CHL1: variants seen among roughly 807,000 people sequenced by gnomAD.
CHL1 encodes the protein neural cell adhesion molecule L1-like protein.
CHL1 carries 96 observed loss-of-function variants against 141.9 expected under a neutral mutation model. The ratio of observed to expected loss-of-function variants is 0.68; its 90% CI spans 0.57 to 0.80. The LOEUF is 0.80. Among genes scored for constraint, CHL1 ranks in the 30% least tolerant of loss-of-function variants. The pLI is 0.00. For synonymous variants in CHL1, 613 were observed against 502.2 expected (o/e 1.22, Z -2.95); for missense variants, 1,820 against 1,457.2 (o/e 1.25, Z -4.05).
chr3:313,681 T>C (rs1699930161), intron 2 of CHL1, among the ~76,000 whole-genome samples: 1 of 152,202 alleles, frequency 6.6e-6, no homozygotes. Flanking sequence ...GGTGGAATGA[T>C]CTATAATTGT....
At chr3:359,486 G>T (rs1704017324) in intron 11 of CHL1, among the ~76,000 whole-genome samples, 1 of 151,852 alleles carries the variant, frequency 6.6e-6, no homozygotes, top group Non-Finnish European at 1.5e-5. Flanking sequence ...TATTTTTAGT[G>T]GAGACAGGGT....
chr3:354,557 G>T, intron 10 of CHL1, 83 bp from the exon 11 acceptor site: 1 of 1,471,566 alleles, frequency 6.8e-7, no homozygotes, highest in Admixed American at 2.2e-5. Context: ...CTCTGCTGGT[G>T]CAAAGTAGAA....
intron 19 of CHL1, 129 bp from the exon 20 acceptor site, chr3:389,123 G>T: frequency 1.3e-6 from 1 of 742,254 alleles, no homozygotes; most frequent in Non-Finnish European, 2.2e-6. Flanking sequence ...ACCAAGAAGG[G>T]GGATTTAAGA....
rs539497356 is a variant in CHL1 at position 236,959 on chromosome 3, G to T, written c.-174-7654G>T. On this transcript the variant is annotated intron_variant, in intron 1 of 27. Transcript: ENST00000256509. ...CGTGGATAAGGATTCTGAGGCCCCA[G>T]TTAGTTAGGAAACACGTCATTAATA... 6.3e-4 allele frequency among the ~76,000 whole-genome samples: 96 copies of T among 152,042 alleles called. 4 individuals are homozygous for T. In the South Asian group the frequency reaches 0.017, roughly 27 times the overall value.
intron 1 of CHL1, among the ~76,000 whole-genome samples, chr3:224,427 T>C (rs1437137965): frequency 2.6e-5 from 4 of 151,766 alleles, no homozygotes; most frequent in Non-Finnish European, 5.9e-5. Flanking sequence ...GTAGGAGAGG[T>C]GTTTGGGTCA....
At position 391,774 on chromosome 3, in the gene CHL1, G is replaced by T; in HGVS notation, c.2891G>T (p.Gly964Val). ...AAGAAATTAAATGGAAACTTAACTG[G>T]CTATCTTTTGCAATATCAGATAAGT... is the stretch of plus-strand genomic sequence containing the variant. ...LPKKLNGNLTGYLLQYQIIND... is the reference protein window; with the variant it reads ...LPKKLNGNLTVYLLQYQIIND... Residue 964 changes from glycine to valine, a missense_variant, in exon 23 of 28, where the codon GGC (glycine) becomes GTC (valine). Gly to Val is a moderately radical substitution (Grantham distance 109). Coordinates refer to ENST00000256509, the MANE Select transcript of CHL1 (RefSeq NM_006614.4). 1.3e-6 allele frequency: 2 copies of T among 1,590,094 alleles called. No individual in the cohort carries two copies. Among genetic ancestry groups the T allele is most frequent in the Non-Finnish European group, 1.7e-6 (2 of 1,168,314 alleles).
At chr3:203,810 A>G (rs769056317) in intron 1 of CHL1, among the ~76,000 whole-genome samples, 1 of 152,186 alleles carries the variant, frequency 6.6e-6, no homozygotes, top group Non-Finnish European at 1.5e-5. Context: ...AGCCTATTGT[A>G]GTGGTTTGTG....
Position 405,563 on chromosome 3 carries a change from G to T in CHL1, c.3527G>T (p.Ser1176Ile). 1 of 1,613,522 alleles carries T rather than the reference G, an allele frequency of 6.2e-7. No individual in the cohort carries two copies. Among genetic ancestry groups the T allele is most frequent in the Non-Finnish European group, 8.5e-7 (1 of 1,179,562 alleles). Residue 1176 changes from serine to isoleucine, a missense_variant, in exon 28 of 28, where the codon AGT becomes ATT. Physicochemically the swap from Ser to Ile is moderately radical, Grantham distance 142. Coordinates refer to ENST00000256509, the MANE Select transcript of CHL1 (RefSeq NM_006614.4). ...AATAGGGATATGCAGCCTACTGAAA[G>T]TGCTGACAGCTTAGTCGAATACGGA... ...SLNRDMQPTE[S>I]ADSLVEYGEG...
In CHL1 at chr3:331,621, C is replaced by T. The variant is rs144046181; in HGVS notation, c.385+3267C>T. Among the ~76,000 whole-genome samples, 173 of 152,124 alleles carry T rather than the reference C, an allele frequency of 1.1e-3. 1 individual carries two copies. Among genetic ancestry groups the T allele is most frequent in the African/African-American group, 3.9e-3 (160 of 41,490 alleles). ...CATTCTCCTACATTTGATTTTAGAT[C>T]CTTTTTTTATTGAAAGACTCTAGGA... On this transcript the variant is annotated intron_variant, in intron 5 of 27. Transcript: ENST00000256509.
intron 1 of CHL1, among the ~76,000 whole-genome samples, chr3:238,001 T>A (rs1028212982): frequency 2.6e-5 from 4 of 152,192 alleles, no homozygotes; most frequent in African/African-American, 4.8e-5. Context: ...ATTAACAAAG[T>A]ATCGTATTTT....
chr3:290,160 A>G (rs760823118), intron 2 of CHL1, among the ~76,000 whole-genome samples: 2 of 152,142 alleles, frequency 1.3e-5, no homozygotes, highest in Non-Finnish European at 2.9e-5. Context: ...AAACAGCAGA[A>G]TCATAAACAA....
chr3:284,644 C>G (rs1696966324), intron 2 of CHL1, among the ~76,000 whole-genome samples: 1 of 152,160 alleles, frequency 6.6e-6, no homozygotes, highest in Non-Finnish European at 1.5e-5. Flanking sequence ...CTGAAAAAGA[C>G]AAATTTTAGT....
chr3:328,316 G>T lies in CHL1; in HGVS notation c.347G>T (p.Gly116Val), dbSNP rs1489717757. Reference sequence around the variant, plus strand: ...CGCTGCTTTGCTTCAAATAAACTGGGAATCGCTATGTCAGAAGAAATAGAA... The same window carrying T: ...CGCTGCTTTGCTTCAAATAAACTGGTAATCGCTATGTCAGAAGAAATAGAA... Reference protein sequence around the residue: ...KYRCFASNKLGIAMSEEIEFI... With the variant: ...KYRCFASNKLVIAMSEEIEFI... Residue 116 changes from glycine (G) to valine (V), a missense_variant, in exon 5 of 28, where the codon GGA becomes GTA. By Grantham distance (109) the Gly-to-Val change is moderately radical. Transcript: ENST00000256509. The T allele has an allele frequency of 6.2e-7, 1 of 1,611,850 alleles. No homozygotes were observed.
At position 259,825 on chromosome 3, in the gene CHL1, G is replaced by T. The variant is rs183897021; in HGVS notation, c.-95+15133G>T. ...TATTCAGATTTTTGGGTCCCAAGCT[G>T]GGCCTACAGAATTAGAATTTCTGGT... On this transcript the variant is annotated intron_variant, in intron 2 of 27. Transcript: ENST00000256509. Among the ~76,000 whole-genome samples, 464 of 152,238 alleles carry T rather than the reference G, an allele frequency of 3.0e-3. 2 individuals are homozygous for T. The highest frequency in any genetic ancestry group is 0.011 in the African/African-American group (450 of 41,544).
At chr3:202,602 C>T (rs1042067161) in intron 1 of CHL1, among the ~76,000 whole-genome samples, 2 of 151,978 alleles carry the variant, frequency 1.3e-5, no homozygotes, top group African/African-American at 4.8e-5. Context: ...TCTAACACGC[C>T]CTAATGTACC....
At chr3:347,236 T>C (rs964535693) in intron 9 of CHL1, among the ~76,000 whole-genome samples, 1 of 152,068 alleles carries the variant, frequency 6.6e-6, no homozygotes, top group African/African-American at 2.4e-5. Context: ...ACTTTATAAA[T>C]AGAGAAATAT....
rs557234979 is a variant in CHL1 at position 373,252 on chromosome 3, A to G, written c.1752-4566A>G. Among the ~76,000 whole-genome samples the G allele has an allele frequency of 5.3e-5, 8 of 152,322 alleles. 1 individual carries two copies. The South Asian group carries it at 1.4e-3, about 28-fold the overall frequency. On this transcript the variant is annotated intron_variant, in intron 15 of 27. Coordinates refer to ENST00000256509, the MANE Select transcript of CHL1 (RefSeq NM_006614.4). ...AGAGACCATGGCCACCCCTCCCCCT[A>G]GGGGCTCAGGCCCAGGGAGATCTGG...
At chr3:200,967 A>G (rs1698872661) in intron 1 of CHL1, among the ~76,000 whole-genome samples, 1 of 152,228 alleles carries the variant, frequency 6.6e-6, no homozygotes, top group South Asian at 2.1e-4. Context: ...AGTTAATTAT[A>G]GCTTTCTCAT....
chr3:386,787 G>C (rs1170938831), intron 19 of CHL1, among the ~76,000 whole-genome samples: 1 of 151,880 alleles, frequency 6.6e-6, no homozygotes, highest in Non-Finnish European at 1.5e-5. Context: ...AGACCTACTG[G>C]CTTTAAAATG....
Sources: allele counts gnomAD v4.1 joint callset (sites outside exome capture counted in the v4.1 genomes callset), GRCh38; gene constraint gnomAD v4.1.1; transcripts MANE v1.5; gene names NCBI Gene and HGNC (gene_info 2026-07-23, HGNC 2026-07-21).